Variants in ORC5 observed in about 807,000 individuals in gnomAD.
ORC5 encodes the protein protein phosphatase 1, regulatory subunit 117.
Under a neutral mutation model 58.8 loss-of-function variants are expected in ORC5, and 39 were observed. That is an observed-to-expected ratio of 0.66 (90% CI 0.51 to 0.87). The LOEUF (loss-of-function observed/expected upper bound fraction) is 0.87. Among genes scored for constraint, ORC5 ranks in the 40% least tolerant of loss-of-function variants. The pLI is 0.00. For synonymous variants in ORC5, 218 were observed against 177.6 expected, an observed-to-expected ratio of 1.23 and a Z score of -1.81; for missense variants, 493 against 506.3, an observed-to-expected ratio of 0.97 and a Z score of 0.25.
Position 104,165,231 on chromosome 7 carries a change from A to G in ORC5, c.1038+4T>C. On this transcript the variant is annotated splice_donor_region_variant and intron_variant, in intron 11 of 13. Transcript: ENST00000297431. ...TCTTCCATTAGAAATTAAAATGTAAATACCTTTTCGTGTTTTTTTAGAAAG... is the reference window on the plus strand; with the variant it reads ...TCTTCCATTAGAAATTAAAATGTAAGTACCTTTTCGTGTTTTTTTAGAAAG... 1 of 1,422,348 alleles carries G rather than the reference A, an allele frequency of 7.0e-7. No homozygotes were observed. Among genetic ancestry groups the G allele is most frequent in the South Asian group, 1.2e-5 (1 of 80,848 alleles). The allele number at this position is 1,422,348 out of a possible 1,614,324, so 88.1% of individuals were successfully genotyped here.
At chr7:104,181,757 A>G (rs1289776207) in intron 8 of ORC5, among the ~76,000 whole-genome samples, 1 of 148,654 alleles carries the variant, frequency 6.7e-6, no homozygotes, top group Non-Finnish European at 1.5e-5. Context: ...GCGCCACTGC[A>G]CTCCAGCCTG....
intron 1 of ORC5, among the ~76,000 whole-genome samples, chr7:104,206,001 C>T (rs1272728076): frequency 1.3e-5 from 2 of 152,164 alleles, no homozygotes; most frequent in African/African-American, 4.8e-5. Context: ...AAGCCAAACC[C>T]TGTCTCAAAA....
intron 3 of ORC5, among the ~76,000 whole-genome samples, chr7:104,199,511 A>T (rs1799885000): frequency 6.6e-6 from 1 of 152,232 alleles, no homozygotes; most frequent in Non-Finnish European, 1.5e-5. Context: ...TTTAAAGTTT[A>T]ATGACTGCCT....
chr7:104,134,857 G>C (rs1317421241), intron 13 of ORC5, among the ~76,000 whole-genome samples: 1 of 152,150 alleles, frequency 6.6e-6, no homozygotes, highest in Non-Finnish European at 1.5e-5. Context: ...ACAGGGATGA[G>C]AGAATGGAAG....
At chr7:104,201,866 G>C (rs1316981540) in intron 2 of ORC5, among the ~76,000 whole-genome samples, 2 of 151,990 alleles carry the variant, frequency 1.3e-5, no homozygotes, top group Non-Finnish European at 2.9e-5. Flanking sequence ...TGGGTGGGAG[G>C]ATCATTTGAC....
At chr7:104,135,876 AAC>A (rs1798579805) in intron 13 of ORC5, among the ~76,000 whole-genome samples, 1 of 152,116 alleles carries the variant, frequency 6.6e-6, no homozygotes, top group Non-Finnish European at 1.5e-5. Context: ...AAAGATTAGG[AAC>A]ACACTGTCTA....
In ORC5 at chr7:104,126,739, C is replaced by G; in HGVS notation, c.*109G>C. On this transcript the variant is annotated 3_prime_UTR_variant, in exon 14 of 14. Coordinates refer to ENST00000297431, the MANE Select transcript of ORC5 (RefSeq NM_002553.4). ...CATGCTGGGCCAGCACCTGTTTGGA[C>G]AAATCCAATAGAGCCAAAGAACTCC... is the stretch of plus-strand genomic sequence containing the variant. 1.3e-6 allele frequency: 1 copy of G among 743,130 alleles called. No individual in the cohort carries two copies. Among genetic ancestry groups the G allele is most frequent in the South Asian group, 1.9e-5 (1 of 53,184 alleles). The allele number at this position is 743,130 out of a possible 1,614,324, so 46.0% of individuals were successfully genotyped here.
intron 11 of ORC5, among the ~76,000 whole-genome samples, chr7:104,162,554 T>C (rs1328849831): frequency 6.6e-6 from 1 of 152,216 alleles, no homozygotes; most frequent in African/African-American, 2.4e-5. Flanking sequence ...CAAGAATGAA[T>C]GTAAAGAAGA....
intron 8 of ORC5, among the ~76,000 whole-genome samples, chr7:104,175,597 A>G (rs74333842): frequency 0.03 from 4,543 of 152,318 alleles, 201 homozygotes; most frequent in African/African-American, 0.1. Flanking sequence ...GTTCTAAAAG[A>G]AAAGAAGAGA....
At chr7:104,155,856 A>T (rs893845724) in intron 12 of ORC5, among the ~76,000 whole-genome samples, 5 of 151,658 alleles carry the variant, frequency 3.3e-5, no homozygotes, top group Non-Finnish European at 7.4e-5. Flanking sequence ...AATGAAACAG[A>T]TAATTCGGAA....
chr7:104,153,489 C>T (rs538590340), intron 12 of ORC5, among the ~76,000 whole-genome samples: 1 of 151,744 alleles, frequency 6.6e-6, no homozygotes, highest in East Asian at 1.9e-4. Context: ...CTCACAATCT[C>T]AGTTGTTGTT....
chr7:104,184,644 T>C (rs1405673083), intron 6 of ORC5, among the ~76,000 whole-genome samples: 1 of 152,020 alleles, frequency 6.6e-6, no homozygotes, highest in Non-Finnish European at 1.5e-5. Context: ...TATATTTTGA[T>C]ATGGCTAATC....
chr7:104,190,158 A>G (rs1365967079), intron 5 of ORC5, among the ~76,000 whole-genome samples: 2 of 152,306 alleles, frequency 1.3e-5, no homozygotes, highest in East Asian at 3.9e-4. Flanking sequence ...GGGTAAAAAA[A>G]AAATTATTAA....
rs1159173756 is a variant in ORC5, at chr7:104,138,823, C to T, written c.1150-1930G>A. Among the ~76,000 whole-genome samples, 6 of 152,266 alleles carry T rather than the reference C, an allele frequency of 3.9e-5. No homozygotes were observed. The highest frequency in any genetic ancestry group is 3.9e-4 in the East Asian group (2 of 5,180). On this transcript the variant is annotated intron_variant, in intron 12 of 13. Transcript: ENST00000297431. This position sits in a 1 kb window ranked among gnomAD's most constrained non-coding sequence, Gnocchi z 4.7. ...CCCGCACCCAACCATTGCTTTAAAACTTATTGCTGATCGTGTACTCAGGAA... is the reference window on the plus strand; with the variant it reads ...CCCGCACCCAACCATTGCTTTAAAATTTATTGCTGATCGTGTACTCAGGAA...
chr7:104,147,887 A>G (rs1425741999), intron 12 of ORC5, among the ~76,000 whole-genome samples: 1 of 151,950 alleles, frequency 6.6e-6, no homozygotes, highest in African/African-American at 2.4e-5. Context: ...GTATGAGCCT[A>G]TGTGCTTTTA....
chr7:104,135,742 T>A (rs904000949), intron 13 of ORC5, among the ~76,000 whole-genome samples: 4 of 152,242 alleles, frequency 2.6e-5, no homozygotes, highest in African/African-American at 9.6e-5. Context: ...TATACTGATA[T>A]CAAGCACTGT....
At chr7:104,174,139 C>T (rs904409948) in intron 8 of ORC5, among the ~76,000 whole-genome samples, 2 of 152,108 alleles carry the variant, frequency 1.3e-5, no homozygotes, top group Non-Finnish European at 2.9e-5. Flanking sequence ...CCACCGCGCC[C>T]GGCCGTAAAA....
intron 12 of ORC5, among the ~76,000 whole-genome samples, chr7:104,158,478 G>A (rs1726558950): frequency 6.6e-6 from 1 of 151,796 alleles, no homozygotes; most frequent in Admixed American, 6.6e-5. Flanking sequence ...TGACAAATGG[G>A]ATCTAATTAA....
At chr7:104,184,384 C>CAGGGGATTG (rs1799499514) in intron 6 of ORC5, 1 of 530,834 alleles carries the variant, frequency 1.9e-6, no homozygotes, top group African/African-American at 1.9e-5. Context: ...GGAGATCAAG[C>CAGGGGATTG]CTGTAGTGTG....
Sources: gnomAD v4.1 joint callset for allele counts (sites outside exome capture counted in the v4.1 genomes callset) on GRCh38, gnomAD v4.1.1 for gene constraint, Gnocchi (gnomAD v3.1) non-coding constraint, MANE v1.5 for transcripts, NCBI Gene and HGNC (gene_info 2026-07-23, HGNC 2026-07-21) for gene names.